The following ZFHX3 variants were observed in gnomAD, a reference collection of about 807,000 sequenced individuals.
ZFHX3 encodes the protein zinc finger homeobox protein 3.
ZFHX3 carries 42 observed loss-of-function variants against 279.1 expected under a neutral mutation model. The observed-to-expected ratio is 0.15, with a 90% confidence interval of 0.12 to 0.19. The LOEUF is 0.19. Among genes scored for constraint, ZFHX3 ranks in the 10% least tolerant of loss-of-function variants. The pLI is 1.00. For synonymous variants in ZFHX3, 2,293 were observed against 1,957.8 expected, an observed-to-expected ratio of 1.17 and a Z score of -4.52; for missense variants, 4,981 against 4,754.0, an observed-to-expected ratio of 1.05 and a Z score of -1.40.
chr16:73,264,881 C>T (rs1423340797), intron 4 of ZFHX3, among the ~76,000 whole-genome samples: 1 of 152,080 alleles, frequency 6.6e-6, no homozygotes, highest in Non-Finnish European at 1.5e-5. Context: ...TCTCCAATCC[C>T]ATCCAGGTTG....
intron 1 of ZFHX3, among the ~76,000 whole-genome samples, chr16:72,964,837 G>A (rs961025539): frequency 1.3e-5 from 2 of 152,090 alleles, no homozygotes; most frequent in African/African-American, 2.4e-5. Context: ...GAAAACTGAG[G>A]TGGCCCAGTT....
At chr16:73,573,463 C>CAA (rs199513115) in intron 2 of ZFHX3, among the ~76,000 whole-genome samples, 1 of 149,160 alleles carries the variant, frequency 6.7e-6, no homozygotes, top group Non-Finnish European at 1.5e-5. Flanking sequence ...GTTTTGCCTG[C>CAA]AAAAAAAAAG....
At chr16:73,638,358 C>T (rs546720474) in intron 2 of ZFHX3, among the ~76,000 whole-genome samples, 4 of 152,164 alleles carry the variant, frequency 2.6e-5, no homozygotes, top group East Asian at 1.9e-4. Flanking sequence ...TCAAGGAGCA[C>T]GAATGGAATC....
chr16:73,766,933 CTT>C (rs3050427), intron 1 of ZFHX3, among the ~76,000 whole-genome samples: 1,470 of 129,210 alleles, frequency 0.011, 30 homozygotes, highest in African/African-American at 0.037. Context: ...TTTGCCATTA[CTT>C]TTTTTTTTTT....
chr16:73,469,485 C>A (rs938643317), intron 2 of ZFHX3, among the ~76,000 whole-genome samples: 1 of 152,120 alleles, frequency 6.6e-6, no homozygotes, highest in Non-Finnish European at 1.5e-5. Context: ...AATATGAGTT[C>A]TGCAGGTTCT....
intron 5 of ZFHX3, among the ~76,000 whole-genome samples, chr16:73,168,213 T>TTCTC (rs1231763549): frequency 3.2e-5 from 3 of 93,238 alleles, no homozygotes; most frequent in African/African-American, 4.3e-5. Flanking sequence ...TTCTTTTGTT[T>TTCTC]TCTTTCTTTC....
chr16:73,489,902 T>C (rs1311738431), intron 2 of ZFHX3, among the ~76,000 whole-genome samples: 2 of 152,200 alleles, frequency 1.3e-5, no homozygotes, highest in South Asian at 2.1e-4. Flanking sequence ...TGTTCTACAA[T>C]GTCAAAATTT....
chr16:73,488,701 T>G (rs765727995), intron 2 of ZFHX3, among the ~76,000 whole-genome samples: 3 of 152,220 alleles, frequency 2.0e-5, no homozygotes, highest in Non-Finnish European at 2.9e-5. Flanking sequence ...GGACAAGATG[T>G]ACAAAATCCA....
At chr16:73,651,703 A>G (rs2052673162) in intron 2 of ZFHX3, among the ~76,000 whole-genome samples, 1 of 141,044 alleles carries the variant, frequency 7.1e-6, no homozygotes, top group African/African-American at 2.9e-5. Context: ...AAAAAAAAAA[A>G]AAAAAGCCGG....
chr16:73,019,950 G>A (rs954049645), intron 1 of ZFHX3, among the ~76,000 whole-genome samples: 4 of 152,152 alleles, frequency 2.6e-5, no homozygotes, highest in Admixed American at 6.5e-5. Context: ...TCTGGGTCCC[G>A]TACTGAGCCC....
intron 2 of ZFHX3, among the ~76,000 whole-genome samples, chr16:73,658,544 C>A (rs1342486730): frequency 6.6e-6 from 1 of 152,222 alleles, no homozygotes; most frequent in Non-Finnish European, 1.5e-5. Context: ...CTCAGGTGAT[C>A]TGCCCTCCTT....
intron 3 of ZFHX3, among the ~76,000 whole-genome samples, chr16:73,429,857 A>T (rs1477821538): frequency 6.6e-6 from 1 of 151,804 alleles, no homozygotes; most frequent in Non-Finnish European, 1.5e-5. Context: ...GCCTTCCCTG[A>T]CTTGTGTAAT....
At position 73,777,508 on chromosome 16, in the gene ZFHX3, C is replaced by CAAAA. The variant is rs34744186; in HGVS notation, c.-1607-97272_-1607-97269dup. Among the ~76,000 whole-genome samples, 401 of 62,446 alleles carry CAAAA rather than the reference C, an allele frequency of 6.4e-3. 38 individuals are homozygous for CAAAA. Among genetic ancestry groups the CAAAA allele is most frequent in the African/African-American group, 0.011 (195 of 17,480 alleles). The allele number at this position is 62,446 out of a possible 152,430, so 41.0% of individuals were successfully genotyped here. On this transcript the variant is annotated intron_variant, in intron 1 of 17. Coordinates refer to the ZFHX3 transcript ENST00000641206. ...TGGGCGACAGAGTGAGACTCTGTCT[C>CAAAA]AAAAAAAAAAAAAAAAAAAAAAAAG... is the stretch of plus-strand genomic sequence containing the variant.
chr16:73,125,290 A>C (rs1966550846), intron 7 of ZFHX3: 1 of 151,220 alleles, frequency 6.6e-6, no homozygotes, highest in Non-Finnish European at 1.5e-5. Context: ...GAAGAAAATA[A>C]TAGAGCAAAC....
At chr16:73,177,874 C>T (rs1210353667) in intron 5 of ZFHX3, among the ~76,000 whole-genome samples, 1 of 152,204 alleles carries the variant, frequency 6.6e-6, no homozygotes, top group Non-Finnish European at 1.5e-5. Flanking sequence ...GAGCAAGGGA[C>T]ACTGACAATT....
chr16:73,468,894 A>G (rs1407090548), intron 2 of ZFHX3, among the ~76,000 whole-genome samples: 1 of 152,220 alleles, frequency 6.6e-6, no homozygotes, highest in Non-Finnish European at 1.5e-5. Context: ...ACTGGCCTCT[A>G]CCACAATGGT....
At chr16:73,617,892 G>C (rs2052321320) in intron 2 of ZFHX3, among the ~76,000 whole-genome samples, 2 of 152,142 alleles carry the variant, frequency 1.3e-5, no homozygotes, top group Admixed American at 1.3e-4. Flanking sequence ...AGTCCCCCTT[G>C]AGTGTCTTAA....
intron 1 of ZFHX3, among the ~76,000 whole-genome samples, chr16:72,998,046 T>C (rs1422702954): frequency 1.3e-5 from 2 of 152,044 alleles, no homozygotes; most frequent in Admixed American, 1.3e-4. Context: ...TGCACCACTG[T>C]ACTCCCGTGA....
intron 2 of ZFHX3, among the ~76,000 whole-genome samples, chr16:73,644,709 T>C (rs1159058212): frequency 6.6e-6 from 1 of 151,738 alleles, no homozygotes; most frequent in African/African-American, 2.4e-5. Flanking sequence ...CAGTTTCCAG[T>C]ATAAGACACA....
Sources: gnomAD v4.1 joint callset for allele counts (sites outside exome capture counted in the v4.1 genomes callset) on GRCh38, gnomAD v4.1.1 for gene constraint, MANE v1.5 for transcripts, NCBI Gene and HGNC (gene_info 2026-07-23, HGNC 2026-07-21) for gene names.